The following SULF2 variants were observed in gnomAD, a reference collection of about 807,000 sequenced individuals.
SULF2 encodes sulfatase 2.
Under a neutral mutation model 107.7 loss-of-function variants are expected in SULF2, and 52 were observed. The observed-to-expected ratio is 0.48, with a 90% confidence interval of 0.39 to 0.61. The LOEUF (loss-of-function observed/expected upper bound fraction) is 0.61, where lower values mean the gene tolerates loss of function less well. SULF2 is among the 20% of genes least tolerant of loss of function. SULF2 has a pLI of 0.00. For synonymous variants in SULF2, 460 were observed against 464.3 expected, an observed-to-expected ratio of 0.99 and a Z score of 0.12; for missense variants, 993 against 1,177.3, an observed-to-expected ratio of 0.84 and a Z score of 2.29.
At chr20:47,659,795 A>T in intron 18 of SULF2, 65 bp from the exon 19 acceptor site, 2 of 1,228,838 alleles carry the variant, frequency 1.6e-6, no homozygotes, top group Non-Finnish European at 1.2e-6. Context: ...ACCCCAACAC[A>T]CCAGAAAACC....
At chr20:47,748,146 G>A (rs1272034768) in intron 2 of SULF2, among the ~76,000 whole-genome samples, 1 of 152,134 alleles carries the variant, frequency 6.6e-6, no homozygotes, top group Non-Finnish European at 1.5e-5. Context: ...TGGCCTGCTG[G>A]GGACCACCAG....
At chr20:47,677,194 T>C in intron 8 of SULF2, 60 bp from the exon 9 acceptor site, 1 of 1,591,490 alleles carries the variant, frequency 6.3e-7, no homozygotes, top group East Asian at 2.2e-5. Context: ...GACCCCCCGT[T>C]CCCCCAGGAG....
intron 1 of SULF2, among the ~76,000 whole-genome samples, chr20:47,772,751 A>C (rs139855006): frequency 2.5e-3 from 376 of 152,094 alleles, no homozygotes; most frequent in African/African-American, 8.7e-3. Flanking sequence ...GATGAGATCA[A>C]CGCCACTTAC....
At chr20:47,693,458 T>G (rs1568823930) in intron 4 of SULF2, among the ~76,000 whole-genome samples, 1 of 152,216 alleles carries the variant, frequency 6.6e-6, no homozygotes, top group Admixed American at 6.5e-5. Context: ...TGGTTAAACT[T>G]TTTTAAAAAT....
At chr20:47,786,100 G>T (rs1254516999), upstream of SULF2, 2 of 152,274 alleles carry the variant, frequency 1.3e-5, no homozygotes, top group Non-Finnish European at 2.9e-5. Flanking sequence ...AACAGATGTG[G>T]GATTCGCCCA....
At chr20:47,743,529 T>G (rs1443231204) in intron 2 of SULF2, among the ~76,000 whole-genome samples, 2 of 152,182 alleles carry the variant, frequency 1.3e-5, no homozygotes, top group Non-Finnish European at 2.9e-5. Flanking sequence ...GGGCTGGTCT[T>G]GAACTGCTGG....
chr20:47,700,804 C>CAGGGCTA lies in SULF2; in HGVS notation c.567+1708_567+1714dup, dbSNP rs1234099388. 7.2e-5 allele frequency among the ~76,000 whole-genome samples: 11 copies of CAGGGCTA among 152,218 alleles called. No homozygotes were observed. In the East Asian group the frequency reaches 2.1e-3, roughly 29 times the overall value. Reference sequence around the variant, plus strand: ...GGGATTACAGGCGCCCGCCACCACGCAGGGCTAATTTTTGTATTCTTAGTG... The same window carrying CAGGGCTA: ...GGGATTACAGGCGCCCGCCACCACGCAGGGCTAAGGGCTAATTTTTGTATTCTTAGTG... On this transcript the variant is annotated intron_variant, in intron 4 of 20. Transcript: ENST00000688720.
At position 47,689,852 on chromosome 20, in the gene SULF2, G is replaced by A. The variant is rs116791514; in HGVS notation, c.737+274C>T. On this transcript the variant is annotated intron_variant, in intron 5 of 20. Transcript: ENST00000688720. The stretch of plus-strand genomic sequence containing the variant: ...AATAAAATACACATGGCATTAAAAG[G>A]AAACCTATTCTATGCAGTTCCATCC... 1,220 of 325,928 alleles carry A rather than the reference G, an allele frequency of 3.7e-3. 12 individuals carry two copies. Among genetic ancestry groups the A allele is most frequent in the African/African-American group, 0.019 (895 of 47,294 alleles). The allele number at this position is 325,928 out of a possible 1,614,324, so 20.2% of individuals were successfully genotyped here. A position where few individuals can be genotyped will look rare whatever the true frequency, so the allele number is the denominator to read the frequency against.
chr20:47,705,262 G>A (rs550339908), intron 3 of SULF2, among the ~76,000 whole-genome samples: 3 of 152,270 alleles, frequency 2.0e-5, no homozygotes, highest in African/African-American at 7.2e-5. Context: ...GGTAAGGTCC[G>A]GGATGGAACC....
chr20:47,662,350 T>G (rs1000442129), intron 17 of SULF2, among the ~76,000 whole-genome samples: 2 of 152,190 alleles, frequency 1.3e-5, no homozygotes, highest in African/African-American at 4.8e-5. Flanking sequence ...AACCTACCCC[T>G]TTGGTAAAGT....
chr20:47,705,736 C>T (rs562725004), intron 3 of SULF2, among the ~76,000 whole-genome samples: 4 of 152,126 alleles, frequency 2.6e-5, no homozygotes, highest in East Asian at 1.9e-4. Flanking sequence ...ACAGCCCCCA[C>T]GCTACAAAGA....
At chr20:47,745,653 T>C (rs35637836) in intron 2 of SULF2, among the ~76,000 whole-genome samples, 48,932 of 151,078 alleles carry the variant, frequency 0.32, 10,005 homozygotes, top group African/African-American at 0.59. Flanking sequence ...CTCAGCCTCC[T>C]GAGTAGCTGG....
intron 3 of SULF2, among the ~76,000 whole-genome samples, chr20:47,726,885 G>A (rs906513182): frequency 3.3e-5 from 5 of 152,102 alleles, no homozygotes; most frequent in African/African-American, 4.8e-5. Context: ...CTGTTTCAAC[G>A]CCCACTGCAG....
At chr20:47,707,160 T>C (rs1259037007) in intron 3 of SULF2, among the ~76,000 whole-genome samples, 1 of 151,944 alleles carries the variant, frequency 6.6e-6, no homozygotes. Context: ...GGCTAATTTT[T>C]GTATTTTTAG....
intron 20 of SULF2, 94 bp downstream of exon 20, chr20:47,659,305 T>C: frequency 2.8e-6 from 3 of 1,074,276 alleles, no homozygotes; most frequent in Middle Eastern, 2.2e-4. Flanking sequence ...AAACAAAGGG[T>C]GGTATGTAAG....
At chr20:47,662,166 C>T (rs1401617065) in intron 17 of SULF2, among the ~76,000 whole-genome samples, 1 of 152,184 alleles carries the variant, frequency 6.6e-6, no homozygotes, top group East Asian at 1.9e-4. Context: ...GTTCTGCAGC[C>T]ACTGGTCAGG....
intron 1 of SULF2, among the ~76,000 whole-genome samples, chr20:47,771,969 T>C (rs4810685): frequency 0.55 from 83,239 of 152,010 alleles, 23,583 homozygotes; most frequent in East Asian, 0.87. Context: ...CAGGGGCTCC[T>C]GATTTGAGGC....
rs374100099 is a variant in SULF2, at chr20:47,702,567, C to T, written c.519G>A (p.Thr173=). 37 of 1,613,288 alleles carry T rather than the reference C, an allele frequency of 2.3e-5. 1 individual carries two copies. Among genetic ancestry groups the T allele is most frequent in the South Asian group, 1.6e-4 (15 of 91,040 alleles). The change falls in exon 4 of 21, where the codon ACG becomes ACA. Residue 173 remains threonine, a synonymous_variant. Transcript: ENST00000688720. ...TCTCTTTCACCCCGTTCCGACACAG[C>T]GTGTAGTTATAAAAGCGGGAGTTTT... is the stretch of plus-strand genomic sequence containing the variant. ...LLKNSRFYNY[T]LCRNGVKEKH...
chr20:47,769,335 C>T (rs1215147466), intron 1 of SULF2, among the ~76,000 whole-genome samples: 3 of 151,704 alleles, frequency 2.0e-5, no homozygotes, highest in South Asian at 2.1e-4. Flanking sequence ...CCACCGCGCC[C>T]GGCCACACCT....
Sources: allele counts gnomAD v4.1 joint callset (sites outside exome capture counted in the v4.1 genomes callset), GRCh38; gene constraint gnomAD v4.1.1; transcripts MANE v1.5; gene names NCBI Gene and HGNC (gene_info 2026-07-23, HGNC 2026-07-21).